SLC12A2: variants seen among roughly 807,000 people sequenced by gnomAD.
SLC12A2 encodes the protein Na-K-2Cl cotransporter 1.
SLC12A2 carries 67 observed loss-of-function variants against 136.3 expected under a neutral mutation model. The observed-to-expected ratio is 0.49, with a 90% CI of 0.40 to 0.60. The LOEUF is 0.60. Among genes scored for constraint, SLC12A2 ranks in the 20% least tolerant of loss-of-function variants. The pLI is 0.00. For missense variants in SLC12A2, 1,322 were observed against 1,534.7 expected (o/e 0.86, Z 2.32); for synonymous variants, 619 against 562.9 (o/e 1.10, Z -1.41).
At position 128,131,088 on chromosome 5, in the gene SLC12A2, C is replaced by T; in HGVS notation, c.1070C>T (p.Ser357Phe). 1 of 1,613,810 alleles carries T rather than the reference C, an allele frequency of 6.2e-7. No homozygotes were observed. The highest frequency in any genetic ancestry group is 8.5e-7 in the Non-Finnish European group (1 of 1,179,784). Residue 357 changes from serine to phenylalanine, a missense_variant, in exon 5 of 27, where the codon TCT (serine) becomes TTT (phenylalanine). By Grantham distance (155) the Ser-to-Phe change is radical. Transcript: ENST00000262461. ...VRGGGAYYLI[S>F]RSLGPEFGGA... is the part of the protein sequence containing the mutation. ...TTAGGAGGAGCATATTATTTAATAT[C>T]TAGAAGTCTAGGGCCAGAATTTGGT...
At chr5:128,166,749 A>T (rs1178373405) in intron 17 of SLC12A2, among the ~76,000 whole-genome samples, 2 of 152,124 alleles carry the variant, frequency 1.3e-5, no homozygotes, top group African/African-American at 4.8e-5. Context: ...CTTATATAAC[A>T]TTGTGAATAT....
At chr5:128,176,229 T>C (rs889800908) in intron 20 of SLC12A2, among the ~76,000 whole-genome samples, 14 of 152,018 alleles carry the variant, frequency 9.2e-5, no homozygotes, top group African/African-American at 3.4e-4. Flanking sequence ...TATAACAAGC[T>C]TAAGAGGTAG....
intron 1 of SLC12A2, among the ~76,000 whole-genome samples, chr5:128,111,414 C>T (rs1044742815): frequency 1.3e-5 from 2 of 152,112 alleles, no homozygotes; most frequent in Non-Finnish European, 2.9e-5. Context: ...TTTTGATTAT[C>T]ATGTAGATTT....
rs2126723119 is a variant in SLC12A2, at chr5:128,151,385, A to G, written c.2252A>G (p.Tyr751Cys). 1 of 1,608,160 alleles carries G rather than the reference A, an allele frequency of 6.2e-7. No homozygotes were observed. The highest frequency in any genetic ancestry group is 1.1e-5 in the South Asian group (1 of 89,418). Residue 751 changes from tyrosine (Y) to cysteine (C), a missense_variant, in exon 14 of 27, where the codon TAC (tyrosine) becomes TGC (cysteine). Tyr to Cys is a radical substitution (Grantham distance 194, BLOSUM62 -2). Around this residue, in one of 8 missense-constraint regions of SLC12A2, gnomAD observed 294 missense variants for 436.6 expected, o/e 0.67. Transcript: ENST00000262461. The part of the protein sequence containing the change: ...IVLGLYIYVT[Y>C]KKPDVNWGSS... ...CTTGGGCTGTATATTTATGTTACCT[A>G]CAAAAAACCAGGTCAGTAGCCTTTT...
In SLC12A2 at chr5:128,083,829, A is replaced by G. The variant is rs1759890389; in HGVS notation, c.-126A>G. On this transcript the variant is annotated 5_prime_UTR_variant, in exon 1 of 27. Coordinates refer to ENST00000262461, the MANE Select transcript of SLC12A2 (RefSeq NM_001046.3). ...GCCGTCCAGGCTAGCGGCGGCCCGCAGGCGGCGGGGAGAAAGACTCTCTCA... is the reference window on the plus strand; with the variant it reads ...GCCGTCCAGGCTAGCGGCGGCCCGCGGGCGGCGGGGAGAAAGACTCTCTCA... 1.4e-5 allele frequency: 10 copies of G among 703,550 alleles called. No homozygotes were observed. Among genetic ancestry groups the G allele is most frequent in the Non-Finnish European group, 1.9e-5 (10 of 512,828 alleles). The allele number at this position is 703,550 out of a possible 1,614,324, so 43.6% of individuals were successfully genotyped here.
intron 17 of SLC12A2, among the ~76,000 whole-genome samples, chr5:128,166,494 A>G (rs911620295): frequency 1.1e-4 from 16 of 151,748 alleles, no homozygotes; most frequent in African/African-American, 3.4e-4. Flanking sequence ...GTGTGTGTGT[A>G]TGAAATGGAA....
In SLC12A2 at chr5:128,091,452, G is replaced by A. The variant is rs1370278204; in HGVS notation, c.756+6742G>A. ...GCTTTTGCTCTTCAGGTAAAACCAT[G>A]AAAACTAGTAGTCTTTCAAATACTG... On this transcript the variant is annotated intron_variant, in intron 1 of 26. Transcript: ENST00000262461. 2.0e-5 allele frequency among the ~76,000 whole-genome samples: 3 copies of A among 152,202 alleles called. No individual in the cohort carries two copies. In the East Asian group the frequency reaches 5.8e-4, roughly 29 times the overall value.
At chr5:128,107,618 G>T (rs1056138820) in intron 1 of SLC12A2, among the ~76,000 whole-genome samples, 1 of 152,166 alleles carries the variant, frequency 6.6e-6, no homozygotes, top group Admixed American at 6.5e-5. Flanking sequence ...CAAAGGACAT[G>T]AACTCATCCT....
chr5:128,162,106 T>C (rs957162176), intron 17 of SLC12A2, among the ~76,000 whole-genome samples: 3 of 152,134 alleles, frequency 2.0e-5, no homozygotes, highest in Admixed American at 6.6e-5. Context: ...GCTCAGAGTA[T>C]TGTCTTCTGA....
At chr5:128,112,394 G>A (rs1055158628) in intron 1 of SLC12A2, among the ~76,000 whole-genome samples, 7 of 152,190 alleles carry the variant, frequency 4.6e-5, no homozygotes, top group Admixed American at 6.5e-5. Context: ...TGGTGATGAA[G>A]AGGAGTTTTA....
intron 17 of SLC12A2, among the ~76,000 whole-genome samples, chr5:128,162,320 C>T (rs879437924): frequency 6.6e-6 from 1 of 151,736 alleles, no homozygotes; most frequent in Non-Finnish European, 1.5e-5. Flanking sequence ...TAGAGCTACC[C>T]GTATCAGAAA....
At chr5:128,164,842 G>GTTTTT (rs1322595525) in intron 17 of SLC12A2, among the ~76,000 whole-genome samples, 1 of 138,350 alleles carries the variant, frequency 7.2e-6, no homozygotes, top group African/African-American at 2.8e-5. Flanking sequence ...CAACAAAACT[G>GTTTTT]TTTTGTTTTT....
At chr5:128,146,278 C>T (rs1762524252) in intron 10 of SLC12A2, among the ~76,000 whole-genome samples, 1 of 151,676 alleles carries the variant, frequency 6.6e-6, no homozygotes, top group Non-Finnish European at 1.5e-5. Context: ...AAATATACAT[C>T]CTATGTTCAT....
At position 128,114,693 on chromosome 5, in the gene SLC12A2, C is replaced by G. The variant is rs1039694384; in HGVS notation, c.1048+12C>G. 1 of 1,443,756 alleles carries G rather than the reference C, an allele frequency of 6.9e-7. No individual in the cohort carries two copies. The highest frequency in any genetic ancestry group is 1.7e-5 in the Admixed American group (1 of 59,732). 89.4% of individuals were successfully genotyped at this position (1,443,756 alleles called of 1,614,324 possible). A position where few individuals can be genotyped will look rare whatever the true frequency, so the allele number is the denominator to read the frequency against. On this transcript the variant is annotated intron_variant, in intron 4 of 26. Transcript: ENST00000262461. ...ATTTGTAAGAGGAGGTAAGTAGAAT[C>G]TTTTTGAATCATCATCATCAGATTA... is the stretch of plus-strand genomic sequence containing the variant.
At chr5:128,171,896 G>A in intron 19 of SLC12A2, 150 bp downstream of exon 19, 2 of 511,850 alleles carry the variant, frequency 3.9e-6, no homozygotes, top group East Asian at 3.4e-5. Context: ...CATCTGTTTG[G>A]CTCCACTAAA....
At chr5:128,133,079 T>G (rs1203843299) in intron 5 of SLC12A2, among the ~76,000 whole-genome samples, 1 of 152,118 alleles carries the variant, frequency 6.6e-6, no homozygotes. Context: ...TTTTTTCAAG[T>G]AATTCTCAGA....
intron 4 of SLC12A2, among the ~76,000 whole-genome samples, chr5:128,130,784 G>A (rs571093990): frequency 6.6e-6 from 1 of 152,236 alleles, no homozygotes; most frequent in East Asian, 1.9e-4. Context: ...AGGAGGCTGT[G>A]GCCCATTTTA....
chr5:128,155,008 C>A (rs1193846332), intron 15 of SLC12A2, among the ~76,000 whole-genome samples: 1 of 151,862 alleles, frequency 6.6e-6, no homozygotes, highest in Non-Finnish European at 1.5e-5. Context: ...GCCAGCATCA[C>A]TACTCTTGTG....
chr5:128,176,252 C>G (rs1402723947), intron 20 of SLC12A2, among the ~76,000 whole-genome samples: 1 of 151,988 alleles, frequency 6.6e-6, no homozygotes, highest in Non-Finnish European at 1.5e-5. Flanking sequence ...ACTAATACCT[C>G]TTTCGACAAA....
Sources: allele counts gnomAD v4.1 joint callset (sites outside exome capture counted in the v4.1 genomes callset), GRCh38; gene constraint gnomAD v4.1.1; regional missense constraint gnomAD v4.1.1; transcripts MANE v1.5; gene names NCBI Gene and HGNC (gene_info 2026-07-23, HGNC 2026-07-21).